DDX51: variants seen among roughly 807,000 people sequenced by gnomAD.
DDX51 encodes the protein ATP-dependent RNA helicase DDX51.
A neutral mutation model predicts 74.6 loss-of-function variants in DDX51; 67 were observed. The observed-to-expected ratio is 0.90, with a 90% CI of 0.74 to 1.10. DDX51 has a LOEUF of 1.10. Among genes scored for constraint, DDX51 ranks in the 50% least tolerant of loss-of-function variants. The probability of loss-of-function intolerance (pLI) is 0.00; values close to 1 mark genes in which losing one functional copy is unlikely to be tolerated. For synonymous variants in DDX51, 545 were observed against 402.9 expected (o/e 1.35, Z -4.22); for missense variants, 1,056 against 905.2 (o/e 1.17, Z -2.14).
At chr12:132,142,535 C>A in intron 3 of DDX51, 113 bp from the exon 4 acceptor site, 1 of 1,495,316 alleles carries the variant, frequency 6.7e-7, no homozygotes, top group Middle Eastern at 2.4e-4. Flanking sequence ...GGGAACCGCT[C>A]CCCAGAGGGA....
At chr12:132,143,125 G>A (rs1173046731) in intron 2 of DDX51, 3 of 528,034 alleles carry the variant, frequency 5.7e-6, no homozygotes, top group Non-Finnish European at 1.0e-5. Flanking sequence ...CCCGCAGCCA[G>A]GAGGTCCTGT....
chr12:132,139,652 G>A lies in DDX51; in HGVS notation c.1957C>T (p.Leu653=). 6.2e-7 allele frequency: 1 copy of A among 1,613,128 alleles called. No individual in the cohort carries two copies. Among genetic ancestry groups the A allele is most frequent in the Non-Finnish European group, 8.5e-7 (1 of 1,180,008 alleles). Residue 653 remains leucine, a synonymous_variant, in exon 14 of 15, where the codon CTG becomes TTG. Coordinates refer to ENST00000397333, the MANE Select transcript of DDX51 (RefSeq NM_175066.4). ...GCCCTTACCTTGACAGACTCCTCCA[G>A]CTGGGACAGGGCCTCCTCGTACCGA... The part of the protein sequence containing the change: ...VPRYEEALSQ[L]EESVKEERKQ...
At position 132,139,630 on chromosome 12, in the gene DDX51, C is replaced by T. The variant is rs1897369010; in HGVS notation, c.1974+5G>A. On this transcript the variant is annotated splice_donor_5th_base_variant and intron_variant, in intron 14 of 14. Coordinates refer to ENST00000397333, the MANE Select transcript of DDX51 (RefSeq NM_175066.4). ...GGGTTTCATGCCGGACTCTGGTGCCCTTACCTTGACAGACTCCTCCAGCTG... is the reference window on the plus strand; with the variant it reads ...GGGTTTCATGCCGGACTCTGGTGCCTTTACCTTGACAGACTCCTCCAGCTG... 3.1e-6 allele frequency: 5 copies of T among 1,613,056 alleles called. No individual in the cohort carries two copies. The highest frequency in any genetic ancestry group is 2.2e-5 in the South Asian group (2 of 91,096).
chr12:132,140,292 G>T, intron 11 of DDX51, 93 bp from the exon 12 acceptor site: 1 of 1,560,308 alleles, frequency 6.4e-7, no homozygotes, highest in Non-Finnish European at 8.7e-7. Flanking sequence ...GCCTTTCTGG[G>T]AACTGGCTGC....
chr12:132,139,823 A>G, intron 13 of DDX51, 38 bp downstream of exon 13: 2 of 1,612,812 alleles, frequency 1.2e-6, no homozygotes, highest in Non-Finnish European at 1.7e-6. Flanking sequence ...CTTAACACCC[A>G]CCAACAGCAG....
chr12:132,143,936 C>T (rs1457514838), intron 1 of DDX51, 27 bp from the exon 2 acceptor site: 14 of 1,482,864 alleles, frequency 9.4e-6, no homozygotes, highest in South Asian at 6.3e-5. Context: ...CACCCGGCAG[C>T]GCGTCAGCAC....
At chr12:132,141,076 G>A (rs989290374) in intron 8 of DDX51, 56 bp from the exon 9 acceptor site, 61 of 1,544,740 alleles carry the variant, frequency 3.9e-5, no homozygotes, top group Non-Finnish European at 5.0e-5. Flanking sequence ...CGAACCTCCA[G>A]GGAACAGGAT....
Position 132,139,277 on chromosome 12 carries a change from C to T in DDX51, c.1996G>A (p.Ala666Thr), listed in dbSNP as rs770777243. ...CCGGCCCTCTGAGCCCCAGCCTAGG[C>T]CGCCCTCTGCTTGCGCTCTTCCTGT... ...SVKEERKQRAA is the reference protein window; with the variant it reads ...SVKEERKQRAT The change falls in exon 15 of 15, where the codon GCC becomes ACC. Residue 666 changes from alanine (A) to threonine (T), a missense_variant. By Grantham distance (58) the Ala-to-Thr change is moderately conservative. Coordinates refer to ENST00000397333, the MANE Select transcript of DDX51 (RefSeq NM_175066.4). 1 of 1,608,574 alleles carries T rather than the reference C, an allele frequency of 6.2e-7. No individual in the cohort carries two copies. Among genetic ancestry groups the T allele is most frequent in the Non-Finnish European group, 8.5e-7 (1 of 1,178,820 alleles).
At position 132,143,881 on chromosome 12, in the gene DDX51, G is replaced by C. The variant is rs905685686; in HGVS notation, c.333C>G (p.Pro111=). The C allele has an allele frequency of 1.3e-6, 2 of 1,525,726 alleles. No homozygotes were observed. Among genetic ancestry groups the C allele is most frequent in the African/African-American group, 1.4e-5 (1 of 70,164 alleles). 94.5% of individuals were successfully genotyped at this position (1,525,726 alleles called of 1,614,324 possible). A position where few individuals can be genotyped will look rare whatever the true frequency, so the allele number is the denominator to read the frequency against. ...GCGCCTCCTCGCTGCTCCCTGCGCT[G>C]GGCTCCCCTGGCGCCTCCTCGTTGC... ...AESNEEAPGE[P]SAGSSEEAPG... The change falls in exon 2 of 15, where the codon CCC becomes CCG. Residue 111 remains proline, a synonymous_variant. Coordinates refer to ENST00000397333, the MANE Select transcript of DDX51 (RefSeq NM_175066.4).
Position 132,140,611 on chromosome 12 carries a change from G to C in DDX51, c.1556+9C>G. The C allele has an allele frequency of 6.2e-7, 1 of 1,612,856 alleles. No individual in the cohort carries two copies. The highest frequency in any genetic ancestry group is 8.5e-7 in the Non-Finnish European group (1 of 1,179,994). ...CACCTCTGCCACCCCCGCCCAGCCG[G>C]GGCCTCACCTGTGGGAGTTCTCTCG... On this transcript the variant is annotated intron_variant, in intron 10 of 14. Coordinates refer to ENST00000397333, the MANE Select transcript of DDX51 (RefSeq NM_175066.4).
rs1277789295 is a variant in DDX51 at position 132,138,323 on chromosome 12, CTTT to C, written c.*946_*948del. On this transcript the variant is annotated 3_prime_UTR_variant, in exon 15 of 15. Transcript: ENST00000397333. ...AGGTTCACAAATCTGGGGAGGAGAG[CTTT>C]TTTTTTGACGGAGTCTCACTCTGTT... The C allele has an allele frequency of 6.6e-6, 1 of 151,418 alleles. No homozygotes were observed. The highest frequency in any genetic ancestry group is 1.5e-5 in the Non-Finnish European group (1 of 67,846). The allele number at this position is 151,418 out of a possible 1,614,324, so 9.4% of individuals were successfully genotyped here. A position where few individuals can be genotyped will look rare whatever the true frequency, so the allele number is the denominator to read the frequency against.
Position 132,141,357 on chromosome 12 carries a change from C to T in DDX51, c.1168G>A (p.Ala390Thr). The change falls in exon 8 of 15, where the codon GCG (alanine) becomes ACG (threonine). Residue 390 changes from alanine to threonine, a missense_variant. By Grantham distance (58) the Ala-to-Thr change is moderately conservative. Coordinates refer to ENST00000397333, the MANE Select transcript of DDX51 (RefSeq NM_175066.4). The part of the protein sequence containing the change: ...MHQSWLPRVV[A>T]AAFQSEDPAD... ...GGGTCCTCGCTCTGGAAGGCGGCCG[C>T]CACCACCCGCGGCAGCCAGGACTGA... The T allele has an allele frequency of 6.3e-7, 1 of 1,598,510 alleles. No individual in the cohort carries two copies. The highest frequency in any genetic ancestry group is 8.5e-7 in the Non-Finnish European group (1 of 1,179,642).
In DDX51 at chr12:132,144,046, G is replaced by C. The variant is rs1356700691; in HGVS notation, c.251C>G (p.Pro84Arg). The part of the protein sequence containing the change: ...RRVNDAEPGS[P>R]EAPQGKRRKA... ...CCGTCGCTTTCCCTGCGGCGCCTCC[G>C]GGCTCCCCGGCTCCGCGTCGTTCAC... Residue 84 changes from proline (P) to arginine (R), a missense_variant, in exon 1 of 15, where the codon CCG (proline) becomes CGG (arginine). Physicochemically the swap from Pro to Arg is moderately radical, Grantham distance 103 (BLOSUM62 -2). Transcript: ENST00000397333. The C allele has an allele frequency of 7.4e-7, 1 of 1,342,628 alleles. No homozygotes were observed. Among genetic ancestry groups the C allele is most frequent in the Non-Finnish European group, 9.5e-7 (1 of 1,053,110 alleles). The allele number at this position is 1,342,628 out of a possible 1,614,324, so 83.2% of individuals were successfully genotyped here.
At chr12:132,139,604 A>G (rs372716801) in intron 14 of DDX51, 31 bp downstream of exon 14, 43 of 1,612,854 alleles carry the variant, frequency 2.7e-5, no homozygotes, top group Non-Finnish European at 3.6e-5. Flanking sequence ...CCCTCCCCAG[A>G]GGGTTTCATG....
rs1897584927 is a variant in DDX51, at chr12:132,143,845, G to A, written c.369C>T (p.Pro123=). 4.0e-6 allele frequency: 6 copies of A among 1,500,246 alleles called. No individual in the cohort carries two copies. In the African/African-American group the frequency reaches 5.4e-5, roughly 13 times the overall value. The allele number at this position is 1,500,246 out of a possible 1,614,324, so 92.9% of individuals were successfully genotyped here. The part of the protein sequence containing the change: ...AGSSEEAPGE[P]SAGSSEEAPG... ...GCGCCTCCTCGCTGCTCCCTGCGCTGGGCTCCCCTGGCGCCTCCTCGCTGC... is the reference window on the plus strand; with the variant it reads ...GCGCCTCCTCGCTGCTCCCTGCGCTAGGCTCCCCTGGCGCCTCCTCGCTGC... The change falls in exon 2 of 15, where the codon CCC becomes CCT. Residue 123 remains proline, a synonymous_variant. Coordinates refer to ENST00000397333, the MANE Select transcript of DDX51 (RefSeq NM_175066.4).
intron 3 of DDX51, 87 bp from the exon 4 acceptor site, chr12:132,142,509 G>A: frequency 6.5e-7 from 1 of 1,540,036 alleles, no homozygotes; most frequent in Non-Finnish European, 8.7e-7. Flanking sequence ...GGGCTGGGCT[G>A]CTCTGCTGGA....
At chr12:132,142,612 C>T (rs1019882452) in intron 3 of DDX51, 116 bp downstream of exon 3, 122 of 1,506,636 alleles carry the variant, frequency 8.1e-5, no homozygotes, top group Non-Finnish European at 1.1e-4. Context: ...CTTGAGAGTG[C>T]TGAGACCACA....
At position 132,139,686 on chromosome 12, in the gene DDX51, C is replaced by T. The variant is rs776409529; in HGVS notation, c.1923G>A (p.Pro641=). The T allele has an allele frequency of 6.8e-6, 11 of 1,613,040 alleles. No individual in the cohort carries two copies. Among genetic ancestry groups the T allele is most frequent in the Admixed American group, 3.3e-5 (2 of 60,026 alleles). ...GGGCCTCCTCGTACCGAGGAACCAG[C>T]GGCTGCAGCAGCTTGCTGGAGAGCT... ...RHELSSKLLQ[P]LVPRYEEALS... is the part of the protein sequence containing the mutation. Residue 641 remains proline, a synonymous_variant, in exon 14 of 15, where the codon CCG becomes CCA. Transcript: ENST00000397333.
Position 132,142,892 on chromosome 12 carries a change from GAA to G in DDX51, c.520-16_520-15del. 6.2e-7 allele frequency: 1 copy of G among 1,612,218 alleles called. No individual in the cohort carries two copies. Among genetic ancestry groups the G allele is most frequent in the Non-Finnish European group, 8.5e-7 (1 of 1,179,966 alleles). On this transcript the variant is annotated splice_polypyrimidine_tract_variant and intron_variant, in intron 2 of 14. Transcript: ENST00000397333. ...GAAAGGCTGGACCTGCCATCAAAAA[GAA>G]AGAGAGGCCAGGTGAGCGCTTTCCA...
Sources: allele counts gnomAD v4.1 joint callset, GRCh38; gene constraint gnomAD v4.1.1; transcripts MANE v1.5; gene names NCBI Gene and HGNC (gene_info 2026-07-23, HGNC 2026-07-21).